The following KLB variants were observed in gnomAD, a reference collection of about 807,000 sequenced individuals.
KLB encodes the protein beta-klotho.
Under a neutral mutation model 88.4 loss-of-function variants are expected in KLB, and 44 were observed. The observed-to-expected ratio is 0.50, with a 90% CI of 0.39 to 0.64. The LOEUF is 0.64. KLB is among the 30% of genes least tolerant of loss of function. The pLI is 0.00. For missense variants in KLB, 1,137 were observed against 1,304.8 expected, an observed-to-expected ratio of 0.87 and a Z score of 1.98; for synonymous variants, 548 against 513.4, an observed-to-expected ratio of 1.07 and a Z score of -0.91.
intron 1 of KLB, among the ~76,000 whole-genome samples, chr4:39,418,049 G>A (rs138485834): frequency 0.012 from 1,794 of 152,130 alleles, 19 homozygotes; most frequent in Non-Finnish European, 0.013. Context: ...ATTTTACTTT[G>A]CTTTGCTTAT....
rs559948829 is a variant in KLB, at chr4:39,447,471, G to A, written c.2745G>A (p.Leu915=). 1.9e-5 allele frequency: 30 copies of A among 1,570,462 alleles called. No individual in the cohort carries two copies. In the South Asian group the frequency reaches 2.0e-4, roughly 11 times the overall value. ...YYLGKYLQEV[L]KAYLIDKVRI... ...TAGGGAAGTACCTTCAGGAGGTGCT[G>A]AAAGGTAAGGGCGGGGCCCCTTCAG... is the stretch of plus-strand genomic sequence containing the variant. Residue 915 remains leucine (L), a synonymous_variant, in exon 4 of 5, where the codon CTG becomes CTA. Transcript: ENST00000257408.
At chr4:39,429,368 A>G (rs1379954991) in intron 1 of KLB, among the ~76,000 whole-genome samples, 1 of 152,082 alleles carries the variant, frequency 6.6e-6, no homozygotes, top group African/African-American at 2.4e-5. Context: ...TCTATTTCTA[A>G]AGTTGTGCCT....
chr4:39,421,101 A>C (rs1401455110), intron 1 of KLB, among the ~76,000 whole-genome samples: 1 of 152,010 alleles, frequency 6.6e-6, no homozygotes, highest in African/African-American at 2.4e-5. Context: ...TTTTTATTTC[A>C]CTCATTTCCA....
chr4:39,413,329 T>C (rs1742895138), intron 1 of KLB, among the ~76,000 whole-genome samples: 1 of 152,206 alleles, frequency 6.6e-6, no homozygotes, highest in Non-Finnish European at 1.5e-5. Flanking sequence ...AATGGAACAT[T>C]TGAGAGTCTC....
intron 1 of KLB, among the ~76,000 whole-genome samples, chr4:39,414,015 G>A (rs1360150192): frequency 1.3e-5 from 2 of 152,110 alleles, no homozygotes; most frequent in Admixed American, 1.3e-4. Context: ...GATGACAGTA[G>A]CTCCCCCATT....
At chr4:39,437,522 G>T (rs572444139) in intron 2 of KLB, among the ~76,000 whole-genome samples, 1 of 152,250 alleles carries the variant, frequency 6.6e-6, no homozygotes, top group South Asian at 2.1e-4. Context: ...AGTGGGAGTG[G>T]GGGGATCAGG....
intron 1 of KLB, among the ~76,000 whole-genome samples, chr4:39,423,653 C>G (rs543283253): frequency 1.3e-5 from 2 of 151,640 alleles, no homozygotes. Flanking sequence ...CGTCAAGTAA[C>G]CAACAAACTA....
rs771229049 is a variant in KLB at position 39,407,425 on chromosome 4, T to TC, written c.480dup (p.Asp161ArgfsTer25). 4.3e-6 allele frequency: 7 copies of TC among 1,613,986 alleles called. No homozygotes were observed. Among genetic ancestry groups the TC allele is most frequent in the East Asian group, 2.2e-5 (1 of 44,896 alleles). Reference sequence around the variant, plus strand: ...TTTTCAATTTCCTGGCCAAGGCTTTTCCCCGATGGAATAGTAACAGTTGCC... The same window carrying TC: ...TTTTCAATTTCCTGGCCAAGGCTTTTCCCCCGATGGAATAGTAACAGTTGCC... On this transcript the variant is annotated frameshift_variant, in exon 1 of 5. Coordinates refer to ENST00000257408, the MANE Select transcript of KLB (RefSeq NM_175737.4). LOFTEE classifies it high-confidence loss of function.
chr4:39,435,671 C>T (rs538498529), intron 2 of KLB, among the ~76,000 whole-genome samples: 97 of 151,246 alleles, frequency 6.4e-4, no homozygotes, highest in Non-Finnish European at 1.2e-3. Context: ...GGTGATCCAC[C>T]TGCCTCAGCC....
rs985174026 is a variant in KLB at position 39,448,305 on chromosome 4, C to T, written c.2754C>T (p.Tyr918=). 2 of 1,580,220 alleles carry T rather than the reference C, an allele frequency of 1.3e-6. No individual in the cohort carries two copies. The highest frequency in any genetic ancestry group is 1.4e-5 in the African/African-American group (1 of 73,884). ...GKYLQEVLKA[Y]LIDKVRIKGY... The stretch of plus-strand genomic sequence containing the variant: ...TTAATTTCTTATCTTTTTCAGCATA[C>T]CTGATTGATAAAGTCAGAATCAAAG... The change falls in exon 5 of 5, where the codon TAC becomes TAT. Residue 918 remains tyrosine, a synonymous_variant. Coordinates refer to ENST00000257408, the MANE Select transcript of KLB (RefSeq NM_175737.4).
In KLB at chr4:39,407,140, A is replaced by G. The variant is rs1191490250; in HGVS notation, c.191A>G (p.Asn64Ser). The change falls in exon 1 of 5, where the codon AAT (asparagine) becomes AGT (serine). Residue 64 changes from asparagine (N) to serine (S), a missense_variant. Asn to Ser is a conservative substitution (Grantham distance 46, BLOSUM62 1). Coordinates refer to ENST00000257408, the MANE Select transcript of KLB (RefSeq NM_175737.4). ...GATGGAAGAGCTATATGGTCTAAAA[A>G]TCCTAATTTTACTCCGGTAAATGAA... Reference protein sequence around the residue: ...SGDGRAIWSKNPNFTPVNESQ... With the variant: ...SGDGRAIWSKSPNFTPVNESQ... The G allele has an allele frequency of 6.2e-7, 1 of 1,614,032 alleles. No homozygotes were observed. Among genetic ancestry groups the G allele is most frequent in the Admixed American group, 1.7e-5 (1 of 59,992 alleles).
At chr4:39,441,455 G>T (rs919292349) in intron 3 of KLB, among the ~76,000 whole-genome samples, 2 of 152,120 alleles carry the variant, frequency 1.3e-5, no homozygotes, top group Admixed American at 6.6e-5. Flanking sequence ...CTGTATGGGA[G>T]ACCCAACCTA....
At chr4:39,430,157 AGT>A (rs1179058935) in intron 1 of KLB, among the ~76,000 whole-genome samples, 1 of 152,208 alleles carries the variant, frequency 6.6e-6, no homozygotes, top group African/African-American at 2.4e-5. Flanking sequence ...ACTGAAATTT[AGT>A]GTCTGCAAAA....
chr4:39,447,637 G>GA (rs553526035), intron 4 of KLB, among the ~76,000 whole-genome samples, 162 bp downstream of exon 4: 412 of 152,210 alleles, frequency 2.7e-3, no homozygotes, highest in Non-Finnish European at 4.6e-3. Flanking sequence ...TGGGATTTTT[G>GA]AAAAAATTTT....
chr4:39,434,104 T>C, intron 1 of KLB, 106 bp from the exon 2 acceptor site: 1 of 1,074,914 alleles, frequency 9.3e-7, no homozygotes, highest in Non-Finnish European at 1.4e-6. Context: ...TTCCCCTGAA[T>C]CACTGTACGC....
chr4:39,435,969 T>G (rs1219596869), intron 2 of KLB, among the ~76,000 whole-genome samples: 1 of 152,216 alleles, frequency 6.6e-6, no homozygotes, highest in Non-Finnish European at 1.5e-5. Flanking sequence ...CTCTATTACA[T>G]GACGGCATGA....
intron 1 of KLB, among the ~76,000 whole-genome samples, chr4:39,431,817 C>A (rs1330379616): frequency 6.6e-6 from 1 of 152,222 alleles, no homozygotes; most frequent in Non-Finnish European, 1.5e-5. Context: ...CAGGATCGAT[C>A]TGGTTTGAAT....
At position 39,450,335 on chromosome 4, in the gene KLB, T is replaced by C. The variant is rs1414133958; in HGVS notation, c.*1649T>C. 2.6e-5 allele frequency: 4 copies of C among 152,222 alleles called. No individual in the cohort carries two copies. Among genetic ancestry groups the C allele is most frequent in the African/African-American group, 9.6e-5 (4 of 41,464 alleles). The allele number at this position is 152,222 out of a possible 1,614,324, so 9.4% of individuals were successfully genotyped here. A position where few individuals can be genotyped will look rare whatever the true frequency, so the allele number is the denominator to read the frequency against. Reference sequence around the variant, plus strand: ...AGACCTTAACAGTCACAAGAGACGTTCTTCTGTTACAAAGCCTTAGTAAAT... The same window carrying C: ...AGACCTTAACAGTCACAAGAGACGTCCTTCTGTTACAAAGCCTTAGTAAAT... On this transcript the variant is annotated 3_prime_UTR_variant, in exon 5 of 5. Transcript: ENST00000257408.
intron 1 of KLB, 25 bp from the exon 2 acceptor site, chr4:39,434,185 G>T: frequency 6.3e-7 from 1 of 1,575,156 alleles, no homozygotes; most frequent in South Asian, 1.2e-5. Flanking sequence ...GGACAACAAA[G>T]ATCAATAATA....
Sources: gnomAD v4.1 joint callset for allele counts (sites outside exome capture counted in the v4.1 genomes callset) on GRCh38, gnomAD v4.1.1 for gene constraint, MANE v1.5 for transcripts, NCBI Gene and HGNC (gene_info 2026-07-23, HGNC 2026-07-21) for gene names.